Variants in TFDP2 observed in about 807,000 individuals in gnomAD.
TFDP2 encodes transcription factor Dp-2 (E2F dimerization partner 2).
A neutral mutation model predicts 59.3 loss-of-function variants in TFDP2; 17 were observed. The observed-to-expected ratio is 0.29, with a 90% CI of 0.20 to 0.43. TFDP2 has a LOEUF of 0.43. TFDP2 is among the 20% of genes least tolerant of loss of function. The pLI, the probability that TFDP2 is intolerant of heterozygous loss-of-function variation, is 1.00. For missense variants in TFDP2, 391 were observed against 528.8 expected, an observed-to-expected ratio of 0.74 and a Z score of 2.56; for synonymous variants, 180 against 194.7, an observed-to-expected ratio of 0.92 and a Z score of 0.63.
At chr3:142,042,230 C>T (rs11713690) in intron 3 of TFDP2, among the ~76,000 whole-genome samples, 8,655 of 151,996 alleles carry the variant, frequency 0.057, 306 homozygotes, top group Middle Eastern at 0.11. Flanking sequence ...TCAACACTAT[C>T]GCTTATTGTC....
At chr3:142,128,380 T>A (rs140438928) in intron 1 of TFDP2, among the ~76,000 whole-genome samples, 12 of 152,172 alleles carry the variant, frequency 7.9e-5, no homozygotes, top group Non-Finnish European at 1.5e-4. Context: ...CCAAACCAGC[T>A]TCCAGAACGC....
intron 3 of TFDP2, among the ~76,000 whole-genome samples, chr3:142,013,091 C>T (rs1030061439): frequency 2.6e-5 from 4 of 152,100 alleles, no homozygotes; most frequent in South Asian, 2.1e-4. Flanking sequence ...GAGCTAAGAT[C>T]GCACCACTTG....
At position 142,073,463 on chromosome 3, in the gene TFDP2, C is replaced by A. The variant is rs956658328; in HGVS notation, c.82+19598G>T. Among the ~76,000 whole-genome samples, 6 of 64,796 alleles carry A rather than the reference C, an allele frequency of 9.3e-5. 3 individuals are homozygous for A. The highest frequency in any genetic ancestry group is 1.7e-3 in the South Asian group (2 of 1,212). 42.5% of individuals were successfully genotyped at this position (64,796 alleles called of 152,430 possible). On this transcript the variant is annotated intron_variant, in intron 3 of 12. Coordinates refer to ENST00000489671, the MANE Select transcript of TFDP2 (RefSeq NM_001178139.2). ...GCTTAAAAACAAACAAACAACCCCC[C>A]CCCCCCCGCAAAAAAAAAAAATAAA...
chr3:141,955,197 CT>C (rs1271672700), intron 11 of TFDP2, among the ~76,000 whole-genome samples: 4 of 152,134 alleles, frequency 2.6e-5, no homozygotes, highest in African/African-American at 7.2e-5. Context: ...GCCTACATTT[CT>C]TTCCTATTAT....
At chr3:141,954,082 C>G (rs1029055854) in intron 11 of TFDP2, among the ~76,000 whole-genome samples, 19 of 151,932 alleles carry the variant, frequency 1.3e-4, no homozygotes, top group Admixed American at 1.2e-3. Flanking sequence ...ATCACTTGAA[C>G]CCGGGAGGCG....
chr3:142,083,543 C>G (rs1319028448), intron 3 of TFDP2, among the ~76,000 whole-genome samples: 1 of 152,008 alleles, frequency 6.6e-6, no homozygotes, highest in Non-Finnish European at 1.5e-5. Flanking sequence ...CCAGAATAGC[C>G]AAAGCTATCC....
At position 141,950,885 on chromosome 3, in the gene TFDP2, C is replaced by T. The variant is rs1935872399; in HGVS notation, c.*1628G>A. 1 of 152,284 alleles carries T rather than the reference C, an allele frequency of 6.6e-6. No homozygotes were observed. The highest frequency in any genetic ancestry group is 2.4e-5 in the African/African-American group (1 of 41,460). 9.4% of individuals were successfully genotyped at this position (152,284 alleles called of 1,614,324 possible). ...CTCTATCTCTGAGTCTGTACTATGG[C>T]TTATTTCTGACAGAATGAAACTTTT... On this transcript the variant is annotated 3_prime_UTR_variant, in exon 13 of 13. Coordinates refer to ENST00000489671, the MANE Select transcript of TFDP2 (RefSeq NM_001178139.2).
intron 3 of TFDP2, among the ~76,000 whole-genome samples, chr3:142,036,430 C>T (rs1946697704): frequency 6.6e-6 from 1 of 152,194 alleles, no homozygotes; most frequent in African/African-American, 2.4e-5. Context: ...TGAGTTCCCA[C>T]AGTATTGATG....
rs1271206588 is a variant in TFDP2, at chr3:142,073,462, C to CG, written c.82+19598_82+19599insC. ...TGCTTAAAAACAAACAAACAACCCC[C>CG]CCCCCCCCGCAAAAAAAAAAAATAA... On this transcript the variant is annotated intron_variant, in intron 3 of 12. Coordinates refer to ENST00000489671, the MANE Select transcript of TFDP2 (RefSeq NM_001178139.2). Among the ~76,000 whole-genome samples, 18 of 59,542 alleles carry CG rather than the reference C, an allele frequency of 3.0e-4. 4 individuals are homozygous for CG. The highest frequency in any genetic ancestry group is 9.0e-4 in the African/African-American group (14 of 15,554). The allele number at this position is 59,542 out of a possible 152,430, so 39.1% of individuals were successfully genotyped here.
At chr3:141,975,158 T>C (rs969460907) in intron 7 of TFDP2, among the ~76,000 whole-genome samples, 3 of 151,878 alleles carry the variant, frequency 2.0e-5, no homozygotes, top group African/African-American at 7.3e-5. Flanking sequence ...ATGATCTGCC[T>C]GCCTCGACCT....
At chr3:141,959,980 A>C (rs1162322054) in intron 10 of TFDP2, 140 bp from the exon 11 acceptor site, 4 of 711,830 alleles carry the variant, frequency 5.6e-6, no homozygotes, top group African/African-American at 5.4e-5. Context: ...GAGAGCCATG[A>C]GTCATTCTGC....
chr3:142,118,370 G>A (rs781601626), intron 1 of TFDP2, among the ~76,000 whole-genome samples: 1 of 152,162 alleles, frequency 6.6e-6, no homozygotes, highest in Non-Finnish European at 1.5e-5. Context: ...CTTTTCTGCT[G>A]ATGATTTTCT....
chr3:141,972,385 T>C (rs571114994), intron 8 of TFDP2, among the ~76,000 whole-genome samples: 1 of 152,184 alleles, frequency 6.6e-6, no homozygotes, highest in Non-Finnish European at 1.5e-5. Flanking sequence ...ACTGGCAGAG[T>C]GATCCTTTAA....
chr3:142,002,587 G>C (rs374828024), intron 4 of TFDP2, among the ~76,000 whole-genome samples: 5 of 151,958 alleles, frequency 3.3e-5, no homozygotes, highest in African/African-American at 1.2e-4. Flanking sequence ...TCATGACCAC[G>C]GAGGTAATCT....
intron 1 of TFDP2, among the ~76,000 whole-genome samples, chr3:142,107,791 T>G (rs1416109207): frequency 6.6e-6 from 1 of 152,180 alleles, no homozygotes; most frequent in Non-Finnish European, 1.5e-5. Flanking sequence ...TGTTCTTAAC[T>G]ACTATAATAC....
At chr3:141,977,644 T>C (rs1940897572) in intron 7 of TFDP2, among the ~76,000 whole-genome samples, 1 of 152,188 alleles carries the variant, frequency 6.6e-6, no homozygotes. Context: ...TAAAATTTTC[T>C]TGTTGACTTA....
At chr3:142,136,722 G>A (rs761560134) in intron 1 of TFDP2, among the ~76,000 whole-genome samples, 23 of 151,582 alleles carry the variant, frequency 1.5e-4, no homozygotes, top group Admixed American at 3.9e-4. Context: ...TCAAAGATCA[G>A]ATGGTTGTAA....
At chr3:141,984,921 G>A (rs1941914761) in intron 6 of TFDP2, among the ~76,000 whole-genome samples, 1 of 152,022 alleles carries the variant, frequency 6.6e-6, no homozygotes, top group South Asian at 2.1e-4. Context: ...TCATTTTACT[G>A]TTCTTCTTCT....
intron 11 of TFDP2, among the ~76,000 whole-genome samples, chr3:141,959,066 C>T (rs1173931100): frequency 6.6e-6 from 1 of 151,072 alleles, no homozygotes; most frequent in African/African-American, 2.4e-5. Context: ...GATTCTCCTG[C>T]CTCAGCCTCC....
Sources: allele counts gnomAD v4.1 joint callset (sites outside exome capture counted in the v4.1 genomes callset), GRCh38; gene constraint gnomAD v4.1.1; transcripts MANE v1.5; gene names NCBI Gene and HGNC (gene_info 2026-07-23, HGNC 2026-07-21).